CACNA2D1: variants seen among roughly 807,000 people sequenced by gnomAD.
The protein encoded by CACNA2D1 is voltage-dependent calcium channel subunit alpha-2/delta-1.
In CACNA2D1, 53 loss-of-function variants were observed where a neutral mutation model predicts 171.5. That is an observed-to-expected ratio of 0.31 (90% CI 0.25 to 0.39). The LOEUF (loss-of-function observed/expected upper bound fraction) is 0.39. CACNA2D1 is among the 10% of genes least tolerant of loss of function. CACNA2D1 has a pLI of 1.00. For synonymous variants in CACNA2D1, 442 were observed against 443.1 expected (o/e 1.00, Z 0.03); for missense variants, 903 against 1,299.8 (o/e 0.69, Z 4.69).
At chr7:82,030,408 A>G (rs1802535413) in intron 12 of CACNA2D1, among the ~76,000 whole-genome samples, 1 of 86,780 alleles carries the variant, frequency 1.2e-5, no homozygotes, top group Non-Finnish European at 2.4e-5. Context: ...CCGAAACAGG[A>G]AAAAAAAAAA....
At chr7:82,354,308 G>A (rs2368021) in intron 1 of CACNA2D1, among the ~76,000 whole-genome samples, 39,734 of 151,864 alleles carry the variant, frequency 0.26, 6,582 homozygotes, top group East Asian at 0.48. Context: ...TCCTGCAATA[G>A]GTAAGAAATC....
At chr7:81,983,174 G>C (rs1274235463) in intron 23 of CACNA2D1, 140 bp downstream of exon 23, 1 of 694,444 alleles carries the variant, frequency 1.4e-6, no homozygotes, top group East Asian at 2.7e-5. Context: ...CCATTTTTTT[G>C]CTGCTAAGTT....
At chr7:82,030,049 AT>A (rs1307447692) in intron 12 of CACNA2D1, 1 of 151,878 alleles carries the variant, frequency 6.6e-6, no homozygotes, top group Non-Finnish European at 1.5e-5. Context: ...TATTAGTTTT[AT>A]AAAAGTACAT....
At chr7:82,440,327 CATT>C (rs1291262840) in intron 1 of CACNA2D1, among the ~76,000 whole-genome samples, 2 of 151,776 alleles carry the variant, frequency 1.3e-5, no homozygotes, top group African/African-American at 4.8e-5. Context: ...TTTAAATTAC[CATT>C]ATAATACTGG....
intron 3 of CACNA2D1, among the ~76,000 whole-genome samples, chr7:82,171,790 C>G (rs1249133457): frequency 6.6e-6 from 1 of 152,050 alleles, no homozygotes; most frequent in Non-Finnish European, 1.5e-5. Context: ...ATATACTAAA[C>G]TCACTTATTA....
chr7:81,993,302 A>G (rs1167430205), intron 20 of CACNA2D1, among the ~76,000 whole-genome samples: 1 of 152,198 alleles, frequency 6.6e-6, no homozygotes, highest in Non-Finnish European at 1.5e-5. Flanking sequence ...AATTACTTGC[A>G]ACTCATTATG....
intron 6 of CACNA2D1, among the ~76,000 whole-genome samples, chr7:82,088,601 T>C (rs757019315): frequency 6.6e-6 from 1 of 152,138 alleles, no homozygotes; most frequent in Non-Finnish European, 1.5e-5. Context: ...TGTAAATTAG[T>C]AGCCAAATAA....
intron 1 of CACNA2D1, among the ~76,000 whole-genome samples, chr7:82,437,261 T>G (rs1224343848): frequency 6.6e-6 from 1 of 152,156 alleles, no homozygotes; most frequent in Non-Finnish European, 1.5e-5. Flanking sequence ...GAAACCAGAA[T>G]TTATTATTTG....
chr7:82,163,237 A>C (rs978884608), intron 4 of CACNA2D1, among the ~76,000 whole-genome samples: 2 of 152,108 alleles, frequency 1.3e-5, no homozygotes, highest in African/African-American at 4.8e-5. Flanking sequence ...CTATATTAAA[A>C]TTATCATTTT....
Position 81,982,548 on chromosome 7 carries a change from A to G in CACNA2D1, c.1955+19T>C, listed in dbSNP as rs374312220. The G allele has an allele frequency of 9.9e-6, 15 of 1,508,634 alleles. No individual in the cohort carries two copies. The highest frequency in any genetic ancestry group is 1.4e-5 in the Non-Finnish European group (15 of 1,084,120). 93.5% of individuals were successfully genotyped at this position (1,508,634 alleles called of 1,614,324 possible). A position where few individuals can be genotyped will look rare whatever the true frequency, so the allele number is the denominator to read the frequency against. On this transcript the variant is annotated intron_variant, in intron 24 of 38. Coordinates refer to ENST00000356860, the MANE Select transcript of CACNA2D1 (RefSeq NM_000722.4). ...CTAGCTACTGATAGAAGATGTATCA[A>G]AAATACAACAAAACCAACCTTGGTG...
At chr7:82,339,017 C>T (rs548408445) in intron 2 of CACNA2D1, among the ~76,000 whole-genome samples, 3 of 152,270 alleles carry the variant, frequency 2.0e-5, no homozygotes, top group Non-Finnish European at 4.4e-5. Context: ...AAGTAGCAGT[C>T]AAGTTCACTA....
At chr7:82,105,010 C>A (rs187670684) in intron 6 of CACNA2D1, among the ~76,000 whole-genome samples, 22 of 151,916 alleles carry the variant, frequency 1.4e-4, no homozygotes, top group African/African-American at 5.1e-4. Flanking sequence ...TATTTTGGAC[C>A]CTTCAGGAAT....
At chr7:82,170,641 A>T (rs372731331) in intron 3 of CACNA2D1, 32 bp from the exon 4 acceptor site, 1 of 1,589,810 alleles carries the variant, frequency 6.3e-7, no homozygotes, top group Non-Finnish European at 8.6e-7. Flanking sequence ...TTAGAATTCA[A>T]ATGAACACGT....
chr7:82,430,504 T>C (rs1829587831), intron 1 of CACNA2D1, among the ~76,000 whole-genome samples: 1 of 152,040 alleles, frequency 6.6e-6, no homozygotes, highest in Non-Finnish European at 1.5e-5. Flanking sequence ...TCATTAGTCA[T>C]GGTATTAATG....
intron 3 of CACNA2D1, among the ~76,000 whole-genome samples, chr7:82,232,590 G>A (rs982304304): frequency 6.6e-6 from 1 of 152,018 alleles, no homozygotes; most frequent in Non-Finnish European, 1.5e-5. Flanking sequence ...GGTTGGCCGG[G>A]TGCAGTGGCT....
intron 3 of CACNA2D1, among the ~76,000 whole-genome samples, chr7:82,185,507 A>AGGGGGGGGGGG (rs1563172548): frequency 5.2e-5 from 1 of 19,190 alleles, no homozygotes; most frequent in Non-Finnish European, 9.5e-5. Context: ...GGGGAGGGGG[A>AGGGGGGGGGGG]GGGGGAGGAG....
intron 3 of CACNA2D1, among the ~76,000 whole-genome samples, chr7:82,193,696 C>A (rs1401051810): frequency 6.6e-6 from 1 of 151,908 alleles, no homozygotes; most frequent in Non-Finnish European, 1.5e-5. Context: ...AATTTATCTT[C>A]CCCCCAACAA....
At chr7:82,061,937 C>T (rs1334090388) in intron 9 of CACNA2D1, among the ~76,000 whole-genome samples, 2 of 152,046 alleles carry the variant, frequency 1.3e-5, no homozygotes, top group South Asian at 2.1e-4. Context: ...CTCAAAAGCC[C>T]CATCTGAGGT....
chr7:82,029,559 T>C (rs1020003322), intron 12 of CACNA2D1: 1 of 151,842 alleles, frequency 6.6e-6, no homozygotes, highest in South Asian at 2.1e-4. Flanking sequence ...AAACAGCTTA[T>C]ATTTATATTC....
Sources: allele counts gnomAD v4.1 joint callset (sites outside exome capture counted in the v4.1 genomes callset), GRCh38; gene constraint gnomAD v4.1.1; transcripts MANE v1.5; gene names NCBI Gene and HGNC (gene_info 2026-07-23, HGNC 2026-07-21).